VTI1A: variants seen among roughly 807,000 people sequenced by gnomAD.
VTI1A encodes vesicle transport through interaction with t-SNAREs 1A.
Under a neutral mutation model 34.9 loss-of-function variants are expected in VTI1A, and 22 were observed. The observed-to-expected ratio is 0.63, with a 90% CI of 0.45 to 0.90. VTI1A has a LOEUF of 0.90. VTI1A is among the 40% of genes least tolerant of loss of function. The pLI is 0.00. For synonymous variants in VTI1A, 87 were observed against 97.3 expected, an observed-to-expected ratio of 0.89 and a Z score of 0.62; for missense variants, 268 against 275.6, an observed-to-expected ratio of 0.97 and a Z score of 0.20.
intron 5 of VTI1A, among the ~76,000 whole-genome samples, chr10:112,604,900 G>A (rs1394590342): frequency 1.3e-5 from 2 of 152,064 alleles, no homozygotes; most frequent in African/African-American, 4.8e-5. Flanking sequence ...AATCAAATGT[G>A]TCATAGTGAA....
At chr10:112,708,885 T>C (rs747826530) in intron 7 of VTI1A, among the ~76,000 whole-genome samples, 2 of 152,224 alleles carry the variant, frequency 1.3e-5, no homozygotes, top group Non-Finnish European at 2.9e-5. Flanking sequence ...ACATGTTTCG[T>C]AGTTACACAG....
intron 5 of VTI1A, among the ~76,000 whole-genome samples, chr10:112,592,908 T>G (rs900401036): frequency 1.3e-5 from 2 of 152,194 alleles, no homozygotes; most frequent in Non-Finnish European, 2.9e-5. Context: ...GAAAGTGATA[T>G]GGTGCTGTGA....
chr10:112,458,880 G>A lies in VTI1A; in HGVS notation c.95-1644G>A, dbSNP rs141499692. On this transcript the variant is annotated intron_variant, in intron 1 of 7. Coordinates refer to ENST00000393077, the MANE Select transcript of VTI1A (RefSeq NM_145206.4). The stretch of plus-strand genomic sequence containing the variant: ...ACGGGGTTTCACTATGTTTGCCAGG[G>A]TGGTCTCAAACTTCTGACCCTGTGA... Among the ~76,000 whole-genome samples, 1,053 of 151,942 alleles carry A rather than the reference G, an allele frequency of 6.9e-3. 15 individuals are homozygous for A. Among genetic ancestry groups the A allele is most frequent in the African/African-American group, 0.025 (1,024 of 41,418 alleles).
At chr10:112,703,189 A>T (rs1024458664) in intron 7 of VTI1A, among the ~76,000 whole-genome samples, 1 of 152,092 alleles carries the variant, frequency 6.6e-6, no homozygotes, top group African/African-American at 2.4e-5. Context: ...ATATGTATTG[A>T]TAAGTGTTTT....
At chr10:112,539,949 A>G (rs1041464361) in intron 5 of VTI1A, among the ~76,000 whole-genome samples, 3 of 152,168 alleles carry the variant, frequency 2.0e-5, no homozygotes, top group South Asian at 2.1e-4. Context: ...TACTTTGACA[A>G]TCCTTGGGGA....
Position 112,739,727 on chromosome 10 carries a change from A to G in VTI1A, c.560+70729A>G, listed in dbSNP as rs370233878. Among the ~76,000 whole-genome samples, 12 of 152,330 alleles carry G rather than the reference A, an allele frequency of 7.9e-5. No homozygotes were observed. In the South Asian group the frequency reaches 2.5e-3, roughly 32 times the overall value. ...GCCATACACCCTGGCTTGTTGGTTG[A>G]CACATAGTATGTGTGATTACAGATT... On this transcript the variant is annotated intron_variant, in intron 7 of 7. Transcript: ENST00000393077.
chr10:112,828,831 G>T, the VTI1A span, among the ~76,000 whole-genome samples: 28 of 150,154 alleles, frequency 1.9e-4, no homozygotes, highest in East Asian at 5.4e-3. Flanking sequence ...GAGCAACATA[G>T]TGAGACCTGG....
intron 7 of VTI1A, among the ~76,000 whole-genome samples, chr10:112,741,573 A>C (rs1329216714): frequency 6.6e-6 from 1 of 152,242 alleles, no homozygotes; most frequent in Non-Finnish European, 1.5e-5. Flanking sequence ...TTTACCCTTT[A>C]AATGGGTGAA....
rs945905096 is a variant in VTI1A at position 112,580,305 on chromosome 10, G to A, written c.427+41975G>A. ...TATAAATATAGAAGAGAGAACTTCT[G>A]GAGAATCACCATGATTCCAAATAGG... On this transcript the variant is annotated intron_variant, in intron 5 of 7. Transcript: ENST00000393077. Among the ~76,000 whole-genome samples, 4 of 152,182 alleles carry A rather than the reference G, an allele frequency of 2.6e-5. No homozygotes were observed. In the South Asian group the frequency reaches 8.3e-4, roughly 32 times the overall value.
intron 5 of VTI1A, among the ~76,000 whole-genome samples, chr10:112,635,234 T>A (rs921982995): frequency 3.3e-5 from 5 of 152,182 alleles, no homozygotes; most frequent in African/African-American, 1.2e-4. Flanking sequence ...GTAAATCTTG[T>A]GGAGATGAGA....
chr10:112,628,616 G>A (rs1230301677), intron 5 of VTI1A, among the ~76,000 whole-genome samples: 2 of 152,072 alleles, frequency 1.3e-5, no homozygotes, highest in Non-Finnish European at 2.9e-5. Context: ...CTCATTTACA[G>A]GATTGCATCC....
intron 5 of VTI1A, among the ~76,000 whole-genome samples, chr10:112,572,845 A>C (rs1196266239): frequency 1.4e-5 from 2 of 146,504 alleles, no homozygotes; most frequent in African/African-American, 4.9e-5. Context: ...TCTCAACCAA[A>C]AAAAAAAAAA....
intron 7 of VTI1A, among the ~76,000 whole-genome samples, chr10:112,705,884 G>A (rs938639842): frequency 6.6e-5 from 10 of 151,994 alleles, no homozygotes; most frequent in Admixed American, 3.3e-4. Context: ...AGCTAGTTCC[G>A]TGTTAATCTG....
chr10:112,589,317 G>A (rs529481507), intron 5 of VTI1A, among the ~76,000 whole-genome samples: 33 of 152,106 alleles, frequency 2.2e-4, no homozygotes, highest in African/African-American at 6.5e-4. Context: ...GAATTAAGTC[G>A]CATGAGATCT....
chr10:112,703,443 T>G (rs1849079533), intron 7 of VTI1A, among the ~76,000 whole-genome samples: 1 of 152,230 alleles, frequency 6.6e-6, no homozygotes, highest in South Asian at 2.1e-4. Context: ...GGCACATGCT[T>G]GTAATCCCAG....
chr10:112,596,313 AAT>A (rs1491221106), intron 5 of VTI1A, among the ~76,000 whole-genome samples: 1 of 44,894 alleles, frequency 2.2e-5, no homozygotes, highest in East Asian at 2.8e-4. Flanking sequence ...AAAATATAAT[AAT>A]AAAAAAGCCT....
chr10:112,812,153 C>T (rs1308246613), intron 7 of VTI1A, among the ~76,000 whole-genome samples: 1 of 152,242 alleles, frequency 6.6e-6, no homozygotes, highest in East Asian at 1.9e-4. Flanking sequence ...CATGCAAATG[C>T]ACAAGTTTTT....
chr10:112,506,125 C>G (rs1353131281), intron 3 of VTI1A, among the ~76,000 whole-genome samples: 2 of 152,034 alleles, frequency 1.3e-5, no homozygotes, highest in African/African-American at 4.8e-5. Context: ...TTAAACAAAC[C>G]TAGATGGTCT....
rs377449635 is a variant in VTI1A, at chr10:112,452,553, T to A, written c.94+5086T>A. On this transcript the variant is annotated intron_variant, in intron 1 of 7. Transcript: ENST00000393077. The stretch of plus-strand genomic sequence containing the variant: ...ACTGCACTCCAGCCTAGTGACACAG[T>A]GAGACTCTGTCTCAAAAAAAAAAAA... 1.6e-4 allele frequency among the ~76,000 whole-genome samples: 20 copies of A among 125,764 alleles called. No homozygotes were observed. In the East Asian group the frequency reaches 3.5e-3, roughly 22 times the overall value. 82.5% of individuals were successfully genotyped at this position (125,764 alleles called of 152,430 possible). A position where few individuals can be genotyped will look rare whatever the true frequency, so the allele number is the denominator to read the frequency against.
Sources: gnomAD v4.1 joint callset for allele counts (sites outside exome capture counted in the v4.1 genomes callset) on GRCh38, gnomAD v4.1.1 for gene constraint, MANE v1.5 for transcripts, NCBI Gene and HGNC (gene_info 2026-07-23, HGNC 2026-07-21) for gene names.